The following CP variants were observed in gnomAD, a reference collection of about 807,000 sequenced individuals.
The protein encoded by CP is caeruloplasmin.
In CP, 64 loss-of-function variants were observed where a neutral mutation model predicts 122.4. The ratio of observed to expected loss-of-function variants is 0.52; its 90% CI spans 0.43 to 0.64. The LOEUF (loss-of-function observed/expected upper bound fraction) is 0.64. Ranked by LOEUF, CP falls within the 30% of genes least tolerant of loss-of-function variation. CP has a pLI of 0.00. For synonymous variants in CP, 440 were observed against 436.4 expected, an observed-to-expected ratio of 1.01 and a Z score of -0.10; for missense variants, 1,167 against 1,284.4, an observed-to-expected ratio of 0.91 and a Z score of 1.40.
intron 1 of CP, among the ~76,000 whole-genome samples, chr3:149,216,598 A>G (rs1728473191): frequency 6.6e-6 from 1 of 152,198 alleles, no homozygotes; most frequent in African/African-American, 2.4e-5. Context: ...GCTGCCTACC[A>G]TAAACAAGAA....
At chr3:149,185,575 C>T (rs1039152622) in intron 11 of CP, 129 bp from the exon 12 acceptor site, 5 of 790,676 alleles carry the variant, frequency 6.3e-6, no homozygotes, top group Admixed American at 4.7e-5. Context: ...ACCTTCTGCT[C>T]ACCCTGCTCC....
intron 1 of CP, among the ~76,000 whole-genome samples, chr3:149,218,872 G>A (rs947022191): frequency 7.2e-5 from 11 of 151,940 alleles, no homozygotes; most frequent in Non-Finnish European, 1.3e-4. Context: ...GCTTAAACTC[G>A]ATTCTTTACC....
chr3:149,169,136 A>T (rs569969395), downstream of CP, among the ~76,000 whole-genome samples: 5 of 150,170 alleles, frequency 3.3e-5, no homozygotes, highest in African/African-American at 7.6e-5. Context: ...ATAGTGTTTT[A>T]TTCATTTTTT....
chr3:149,175,068 G>A (rs1248376892), intron 18 of CP, among the ~76,000 whole-genome samples: 1 of 151,996 alleles, frequency 6.6e-6, no homozygotes. Context: ...TACTCTGCAT[G>A]CCAGGCATTT....
chr3:149,207,697 C>A, intron 4 of CP, 80 bp from the exon 5 acceptor site: 2 of 1,491,358 alleles, frequency 1.3e-6, no homozygotes, highest in South Asian at 1.1e-5. Flanking sequence ...TAAATAGAAT[C>A]AATTTGGAAT....
intron 14 of CP, among the ~76,000 whole-genome samples, 184 bp downstream of exon 14, chr3:149,181,821 C>CT (rs35090033): frequency 9.3e-4 from 138 of 148,844 alleles, no homozygotes; most frequent in African/African-American, 2.1e-3. Flanking sequence ...CTCCTGTGGA[C>CT]TTTTTTTTTT....
chr3:149,202,797 G>A (rs1443001469), intron 6 of CP, among the ~76,000 whole-genome samples: 2 of 149,502 alleles, frequency 1.3e-5, no homozygotes, highest in African/African-American at 2.5e-5. Flanking sequence ...CTTTAGTAGA[G>A]ACAGGGTTTC....
At chr3:149,204,844 G>T (rs533536379) in intron 6 of CP, among the ~76,000 whole-genome samples, 1 of 152,282 alleles carries the variant, frequency 6.6e-6, no homozygotes, top group African/African-American at 2.4e-5. Flanking sequence ...GAATGACTGG[G>T]AGGCTGTGGA....
chr3:149,219,146 A>G (rs1728653008), intron 1 of CP, among the ~76,000 whole-genome samples: 1 of 152,152 alleles, frequency 6.6e-6, no homozygotes, highest in African/African-American at 2.4e-5. Flanking sequence ...TATATGGGGG[A>G]AAAAAATCAC....
chr3:149,208,276 C>A (rs34335440), intron 4 of CP, among the ~76,000 whole-genome samples: 2 of 151,932 alleles, frequency 1.3e-5, no homozygotes, highest in Non-Finnish European at 2.9e-5. Context: ...AAAAATTTCC[C>A]AAGTGGAAAT....
chr3:149,181,575 T>C (rs1353663860), intron 14 of CP, among the ~76,000 whole-genome samples: 1 of 152,208 alleles, frequency 6.6e-6, no homozygotes, highest in African/African-American at 2.4e-5. Context: ...AAACATTTGA[T>C]GATCTCCTAA....
Position 149,177,882 on chromosome 3 carries a change from G to A in CP, c.2976C>T (p.Asp992=). ...WYLMGMGNEI[D]LHTVHFHGHS... is the part of the protein sequence containing the mutation. Reference sequence around the variant, plus strand: ...GGCCGTGAAAATGTACAGTGTGTAAGTCTATTTCATTGCCCATTCCCATCA... The same window carrying A: ...GGCCGTGAAAATGTACAGTGTGTAAATCTATTTCATTGCCCATTCCCATCA... Residue 992 remains aspartate, a synonymous_variant, in exon 17 of 19, where the codon GAC becomes GAT. Coordinates refer to ENST00000264613, the MANE Select transcript of CP (RefSeq NM_000096.4). 3 of 1,613,766 alleles carry A rather than the reference G, an allele frequency of 1.9e-6. No individual in the cohort carries two copies. The highest frequency in any genetic ancestry group is 2.5e-6 in the Non-Finnish European group (3 of 1,179,670).
At chr3:149,206,465 T>C in intron 5 of CP, 126 bp from the exon 6 acceptor site, 3 of 1,064,112 alleles carry the variant, frequency 2.8e-6, no homozygotes, top group Admixed American at 1.8e-5. Context: ...AACAGTACTA[T>C]AAACTAGGGC....
chr3:149,221,618 G>A, intron 1 of CP, 29 bp downstream of exon 1: 2 of 1,597,272 alleles, frequency 1.3e-6, no homozygotes, highest in Non-Finnish European at 1.7e-6. Flanking sequence ...TAAAATTTTG[G>A]TCTATAAACA....
chr3:149,185,343 G>C lies in CP; in HGVS notation c.2181C>G (p.Phe727Leu). Residue 727 changes from phenylalanine to leucine, a missense_variant, in exon 12 of 19, where the codon TTC (phenylalanine) becomes TTG (leucine). Phe to Leu is a conservative substitution (Grantham distance 22). This residue lies in a region of CP where 525 missense variants were observed against 657.2 expected (regional missense o/e 0.80). Transcript: ENST00000264613. ...QCRRQSEDST[F>L]YLGERTYYIA... ...TATAGTATGTCCTCTCTCCCAGGTA[G>C]AAGGTGGAATCCTCAGACTGCCGCC... 1 of 1,614,120 alleles carries C rather than the reference G, an allele frequency of 6.2e-7. No individual in the cohort carries two copies. The highest frequency in any genetic ancestry group is 8.5e-7 in the Non-Finnish European group (1 of 1,180,010).
At chr3:149,207,092 T>C (rs1223251891) in intron 5 of CP, among the ~76,000 whole-genome samples, 1 of 152,174 alleles carries the variant, frequency 6.6e-6, no homozygotes, top group East Asian at 1.9e-4. Context: ...AACACTGGTA[T>C]ATTTTACAAA....
rs750770691 is a variant in CP, at chr3:149,207,395, A to G, written c.1004T>C (p.Met335Thr). 1.2e-6 allele frequency: 2 copies of G among 1,613,846 alleles called. No individual in the cohort carries two copies. The highest frequency in any genetic ancestry group is 1.3e-5 in the African/African-American group (1 of 74,928). Residue 335 changes from methionine (M) to threonine (T), a missense_variant, in exon 5 of 19, where the codon ATG becomes ACG. Physicochemically the swap from Met to Thr is moderately conservative, Grantham distance 81 (BLOSUM62 -1). This residue lies in a region of CP where 642 missense variants were observed against 627.3 expected (regional missense o/e 1.02). Coordinates refer to ENST00000264613, the MANE Select transcript of CP (RefSeq NM_000096.4). Reference sequence around the variant, plus strand: ...ATGGTTTAGATTCTGACAGCTGAGCATCCATTCTCCAGGGTTCTGGGCCAC... The same window carrying G: ...ATGGTTTAGATTCTGACAGCTGAGCGTCCATTCTCCAGGGTTCTGGGCCAC... Reference protein sequence around the residue: ...YMVAQNPGEWMLSCQNLNHLK... With the variant: ...YMVAQNPGEWTLSCQNLNHLK...
chr3:149,202,210 T>A lies in CP; in HGVS notation c.1240A>T (p.Thr414Ser). 1 of 1,614,180 alleles carries A rather than the reference T, an allele frequency of 6.2e-7. No homozygotes were observed. Among genetic ancestry groups the A allele is most frequent in the Non-Finnish European group, 8.5e-7 (1 of 1,180,024 alleles). Residue 414 changes from threonine (T) to serine (S), a missense_variant, in exon 7 of 19, where the codon ACA becomes TCA. Thr to Ser is a moderately conservative substitution (Grantham distance 58). Around this residue, in one of 2 missense-constraint regions of CP, gnomAD observed 642 missense variants for 627.3 expected, o/e 1.02. Coordinates refer to ENST00000264613, the MANE Select transcript of CP (RefSeq NM_000096.4). ...TTTTTATAAGAGCCTCCAATTCTTG[T>A]GGTACCTTGTTCAAAAAACACCGCT... ...DSAVFFEQGTTRIGGSYKKLV... is the reference protein window; with the variant it reads ...DSAVFFEQGTSRIGGSYKKLV...
chr3:149,177,883 T>C lies in CP; in HGVS notation c.2975A>G (p.Asp992Gly). ...GCCGTGAAAATGTACAGTGTGTAAG[T>C]CTATTTCATTGCCCATTCCCATCAG... ...WYLMGMGNEI[D>G]LHTVHFHGHS... The change falls in exon 17 of 19, where the codon GAC becomes GGC. Residue 992 changes from aspartate (D) to glycine (G), a missense_variant. By Grantham distance (94) the Asp-to-Gly change is moderately conservative. Coordinates refer to ENST00000264613, the MANE Select transcript of CP (RefSeq NM_000096.4). The C allele has an allele frequency of 6.2e-7, 1 of 1,613,842 alleles. No individual in the cohort carries two copies.
Sources: allele counts gnomAD v4.1 joint callset (sites outside exome capture counted in the v4.1 genomes callset), GRCh38; gene constraint gnomAD v4.1.1; regional missense constraint gnomAD v4.1.1; transcripts MANE v1.5; gene names NCBI Gene and HGNC (gene_info 2026-07-23, HGNC 2026-07-21).